Variants in OR4K17 observed in about 807,000 individuals in gnomAD.
OR4K17 encodes olfactory receptor family 4 subfamily K member 17, also known as olfactory receptor 4K17.
For missense variants in OR4K17, 480 were observed against 366.3 expected (o/e 1.31, Z -2.53); for synonymous variants, 157 against 132.8 (o/e 1.18, Z -1.25).
At chr14:20,112,589 A>C (rs555651923) in intron 1 of OR4K17, among the ~76,000 whole-genome samples, 1 of 152,216 alleles carries the variant, frequency 6.6e-6, no homozygotes, top group East Asian at 1.9e-4. Context: ...GTGAAGCCAC[A>C]GTACCCAGAC....
chr14:20,110,918 A>C (rs924275735), intron 1 of OR4K17, 26 bp downstream of exon 1: 1 of 152,040 alleles, frequency 6.6e-6, no homozygotes, highest in Non-Finnish European at 1.5e-5. Context: ...TGCTGACATT[A>C]TAAAGCCAAT....
chr14:20,112,667 C>A (rs1458045841), intron 1 of OR4K17, among the ~76,000 whole-genome samples: 1 of 152,012 alleles, frequency 6.6e-6, no homozygotes, highest in Non-Finnish European at 1.5e-5. Flanking sequence ...CAGCTCAAGT[C>A]CTTGAACCTG....
At position 20,121,488 on chromosome 14, in the gene OR4K17, G is replaced by T. The variant is rs1313741014; in HGVS notation, c.*3050G>T. 3 of 152,064 alleles carry T rather than the reference G, an allele frequency of 2.0e-5. No homozygotes were observed. The highest frequency in any genetic ancestry group is 6.6e-5 in the Admixed American group (1 of 15,258). 9.4% of individuals were successfully genotyped at this position (152,064 alleles called of 1,614,324 possible). A position where few individuals can be genotyped will look rare whatever the true frequency, so the allele number is the denominator to read the frequency against. ...TGACAGTAAAAACATAAAATGTGTGGGGGAGGTAGAATAAAAGTGTAGACT... is the reference window on the plus strand; with the variant it reads ...TGACAGTAAAAACATAAAATGTGTGTGGGAGGTAGAATAAAAGTGTAGACT... On this transcript the variant is annotated 3_prime_UTR_variant, in exon 2 of 2. Transcript: ENST00000641386.
In OR4K17 at chr14:20,118,380, T is replaced by C. The variant is rs1266945861; in HGVS notation, c.881T>C (p.Met294Thr). The C allele has an allele frequency of 1.2e-6, 2 of 1,608,658 alleles. No homozygotes were observed. The highest frequency in any genetic ancestry group is 1.7e-6 in the Non-Finnish European group (2 of 1,177,086). ...PIIYTLRNKE[M>T]KISMKKLWRA... ...ATCTATACTCTGAGAAACAAAGAAA[T>C]GAAGATATCCATGAAAAAACTCTGG... Residue 294 changes from methionine (M) to threonine (T), a missense_variant, in exon 2 of 2, where the codon ATG becomes ACG. Transcript: ENST00000641386.
rs1878097496 is a variant in OR4K17, at chr14:20,119,149, C to T, written c.*711C>T. On this transcript the variant is annotated 3_prime_UTR_variant, in exon 2 of 2. Transcript: ENST00000641386. ...CACTTTTGTAAGAAGAGAAATATGA[C>T]TCTGTTCCACCCAGCTCCCAGGCAG... The T allele has an allele frequency of 6.6e-6, 1 of 152,354 alleles. No individual in the cohort carries two copies. Among genetic ancestry groups the T allele is most frequent in the South Asian group, 2.1e-4 (1 of 4,832 alleles). The allele number at this position is 152,354 out of a possible 1,614,324, so 9.4% of individuals were successfully genotyped here.
chr14:20,117,587 C>T lies in OR4K17; in HGVS notation c.88C>T (p.Leu30Phe), dbSNP rs1566552301. 1 of 1,613,938 alleles carries T rather than the reference C, an allele frequency of 6.2e-7. No individual in the cohort carries two copies. The highest frequency in any genetic ancestry group is 8.5e-7 in the Non-Finnish European group (1 of 1,179,940). ...SQDVEFLLFA[L>F]FSVIYVVTVL... ...GGATGTAGAGTTTCTTCTCTTTGCC[C>T]TCTTCTCGGTTATCTATGTGGTCAC... Residue 30 changes from leucine to phenylalanine, a missense_variant, in exon 2 of 2, where the codon CTC becomes TTC. Physicochemically the swap from Leu to Phe is conservative, Grantham distance 22 (BLOSUM62 0). Transcript: ENST00000641386.
At chr14:20,112,970 AGTAATCTG>A (rs1206625881) in intron 1 of OR4K17, among the ~76,000 whole-genome samples, 1 of 152,072 alleles carries the variant, frequency 6.6e-6, no homozygotes, top group Non-Finnish European at 1.5e-5. Flanking sequence ...GCTGCCCAAT[AGTAATCTG>A]GTAAACTATG....
chr14:20,114,468 G>C (rs1387568792), intron 1 of OR4K17, among the ~76,000 whole-genome samples: 1 of 151,852 alleles, frequency 6.6e-6, no homozygotes, highest in East Asian at 1.9e-4. Context: ...AATTTTTCTA[G>C]TATGATTTGT....
rs769515620 is a variant in OR4K17 at position 20,117,706 on chromosome 14, A to G, written c.207A>G (p.Val69=). The change falls in exon 2 of 2, where the codon GTA becomes GTG. Residue 69 remains valine, a synonymous_variant. Transcript: ENST00000641386. ...TTCTCCTTGGTAATCTCTCTTTTGT[A>G]GATATGACCCTTGCTTCTTTTGCCA... The part of the protein sequence containing the change: ...MYFLLGNLSF[V]DMTLASFATP... 6.2e-7 allele frequency: 1 copy of G among 1,613,980 alleles called. No homozygotes were observed. The highest frequency in any genetic ancestry group is 1.1e-5 in the South Asian group (1 of 91,066).
At chr14:20,116,480 A>G (rs1195434581) in intron 1 of OR4K17, among the ~76,000 whole-genome samples, 1 of 152,120 alleles carries the variant, frequency 6.6e-6, no homozygotes, top group East Asian at 1.9e-4. Flanking sequence ...GCCACTCATC[A>G]CCAGATCAGT....
In OR4K17 at chr14:20,120,173, G is replaced by A. The variant is rs115880745; in HGVS notation, c.*1735G>A. 1 of 152,102 alleles carries A rather than the reference G, an allele frequency of 6.6e-6. No individual in the cohort carries two copies. The highest frequency in any genetic ancestry group is 1.5e-5 in the Non-Finnish European group (1 of 68,026). 9.4% of individuals were successfully genotyped at this position (152,102 alleles called of 1,614,324 possible). On this transcript the variant is annotated 3_prime_UTR_variant, in exon 2 of 2. Transcript: ENST00000641386. ...TGTCACATTTTTACTGTATAATTGAGTTAAATGATTTGGCACTCACTGTGA... is the reference window on the plus strand; with the variant it reads ...TGTCACATTTTTACTGTATAATTGAATTAAATGATTTGGCACTCACTGTGA...
At position 20,121,057 on chromosome 14, in the gene OR4K17, T is replaced by A. The variant is rs1032440191; in HGVS notation, c.*2619T>A. ...CTTCACAATAGTCAGAGCAGTTGTG[T>A]TTTACTCAACCAATCCCCTCACACC... On this transcript the variant is annotated 3_prime_UTR_variant, in exon 2 of 2. Coordinates refer to ENST00000641386, the MANE Select transcript of OR4K17 (RefSeq NM_001004715.5). The A allele has an allele frequency of 6.6e-6, 1 of 152,154 alleles. No individual in the cohort carries two copies. The highest frequency in any genetic ancestry group is 2.4e-5 in the African/African-American group (1 of 41,422). The allele number at this position is 152,154 out of a possible 1,614,324, so 9.4% of individuals were successfully genotyped here.
intron 1 of OR4K17, among the ~76,000 whole-genome samples, chr14:20,113,123 A>C (rs1877916067): frequency 1.3e-5 from 2 of 152,060 alleles, no homozygotes; most frequent in Admixed American, 6.6e-5. Context: ...CATTACAGCA[A>C]TCCCATGCCA....
chr14:20,118,265 T>A lies in OR4K17; in HGVS notation c.766T>A (p.Phe256Ile), dbSNP rs777186671. ...VVILFFGPCI[F>I]IYIWPFGNHS... ...GATTCTCTTCTTTGGCCCATGCATC[T>A]TTATCTACATTTGGCCCTTCGGCAA... The change falls in exon 2 of 2, where the codon TTT (phenylalanine) becomes ATT (isoleucine). Residue 256 changes from phenylalanine (F) to isoleucine (I), a missense_variant. Phe to Ile is a conservative substitution (Grantham distance 21). Transcript: ENST00000641386. 1 of 1,614,084 alleles carries A rather than the reference T, an allele frequency of 6.2e-7. No homozygotes were observed. The highest frequency in any genetic ancestry group is 8.5e-7 in the Non-Finnish European group (1 of 1,179,962).
chr14:20,117,604 T>C lies in OR4K17; in HGVS notation c.105T>C (p.Tyr35=), dbSNP rs1319552576. The C allele has an allele frequency of 1.2e-6, 2 of 1,613,910 alleles. No individual in the cohort carries two copies. The highest frequency in any genetic ancestry group is 1.7e-6 in the Non-Finnish European group (2 of 1,179,958). The stretch of plus-strand genomic sequence containing the variant: ...TCTTTGCCCTCTTCTCGGTTATCTA[T>C]GTGGTCACAGTTTTGGGTAACCTTC... ...FLLFALFSVI[Y]VVTVLGNLLI... Residue 35 remains tyrosine, a synonymous_variant, in exon 2 of 2, where the codon TAT becomes TAC. Coordinates refer to ENST00000641386, the MANE Select transcript of OR4K17 (RefSeq NM_001004715.5).
At chr14:20,117,425 C>T in intron 1 of OR4K17, 43 bp from the exon 2 acceptor site, 2 of 1,597,418 alleles carry the variant, frequency 1.3e-6, no homozygotes, top group Non-Finnish European at 1.7e-6. Context: ...TTATTTTTCA[C>T]TCATACTCCA....
intron 1 of OR4K17, chr14:20,112,097 G>T (rs1401864489): frequency 4.6e-5 from 7 of 152,040 alleles, no homozygotes; most frequent in Non-Finnish European, 7.4e-5. Flanking sequence ...GGGAGGTAAG[G>T]TGTCATAAAA....
Position 20,118,683 on chromosome 14 carries a change from A to T in OR4K17, c.*245A>T, listed in dbSNP as rs1878082408. 1 of 316,512 alleles carries T rather than the reference A, an allele frequency of 3.2e-6. No homozygotes were observed. The highest frequency in any genetic ancestry group is 9.9e-4 in the Middle Eastern group (1 of 1,010). The allele number at this position is 316,512 out of a possible 1,614,324, so 19.6% of individuals were successfully genotyped here. On this transcript the variant is annotated 3_prime_UTR_variant, in exon 2 of 2. Transcript: ENST00000641386. Reference sequence around the variant, plus strand: ...GTGATGCCCCCCAAGCTGCAAAACCAGCAAGTTTTTATTATGGATTTCAAA... The same window carrying T: ...GTGATGCCCCCCAAGCTGCAAAACCTGCAAGTTTTTATTATGGATTTCAAA...
rs906933742 is a variant in OR4K17, at chr14:20,118,094, A to G, written c.595A>G (p.Ile199Val). 8.7e-6 allele frequency: 14 copies of G among 1,613,886 alleles called. No homozygotes were observed. Among genetic ancestry groups the G allele is most frequent in the African/African-American group, 1.3e-5 (1 of 74,896 alleles). Reference sequence around the variant, plus strand: ...AGACATATATTTTGTACAGGTAGTCATTGTTGCCAACAGTGGCATAATCTC... The same window carrying G: ...AGACATATATTTTGTACAGGTAGTCGTTGTTGCCAACAGTGGCATAATCTC... ...CIDIYFVQVV[I>V]VANSGIISLS... is the part of the protein sequence containing the mutation. The change falls in exon 2 of 2, where the codon ATT becomes GTT. Residue 199 changes from isoleucine (I) to valine (V), a missense_variant. By Grantham distance (29) the Ile-to-Val change is conservative (BLOSUM62 3). Transcript: ENST00000641386.
Sources: gnomAD v4.1 joint callset for allele counts (sites outside exome capture counted in the v4.1 genomes callset) on GRCh38, gnomAD v4.1.1 for gene constraint, MANE v1.5 for transcripts, NCBI Gene and HGNC (gene_info 2026-07-23, HGNC 2026-07-21) for gene names.